The following IQSEC1 variants were observed in gnomAD, a reference collection of about 807,000 sequenced individuals.
The protein encoded by IQSEC1 is IQ motif and SEC7 domain-containing protein 1.
IQSEC1 carries 31 observed loss-of-function variants against 91.0 expected under a neutral mutation model. The observed-to-expected ratio is 0.34, with a 90% CI of 0.26 to 0.46. The LOEUF (loss-of-function observed/expected upper bound fraction) is 0.46. Among genes scored for constraint, IQSEC1 ranks in the 20% least tolerant of loss-of-function variants. The pLI, the probability that IQSEC1 is intolerant of heterozygous loss-of-function variation, is 1.00. For missense variants in IQSEC1, 1,388 were observed against 1,575.6 expected (o/e 0.88, Z 2.02); for synonymous variants, 699 against 662.6 (o/e 1.05, Z -0.84).
chr3:13,199,412 G>T (rs568293702), intron 1 of IQSEC1, among the ~76,000 whole-genome samples: 1 of 152,258 alleles, frequency 6.6e-6, no homozygotes, highest in East Asian at 1.9e-4. Context: ...GACAGGGGCC[G>T]TCCAGGGACA....
chr3:12,991,790 G>C (rs1033057560), intron 1 of IQSEC1, among the ~76,000 whole-genome samples: 1 of 152,212 alleles, frequency 6.6e-6, no homozygotes, highest in African/African-American at 2.4e-5. Flanking sequence ...AGTTCTTCTG[G>C]TGTGGCCTCA....
At chr3:13,156,834 T>C (rs931832694) in intron 2 of IQSEC1, among the ~76,000 whole-genome samples, 4 of 152,096 alleles carry the variant, frequency 2.6e-5, no homozygotes, top group Non-Finnish European at 5.9e-5. Flanking sequence ...TGGGGGAGCA[T>C]GTTCTAGGCT....
rs150511898 is a variant in IQSEC1, at chr3:12,941,734, T to C, written c.155A>G (p.Tyr52Cys). Residue 52 changes from tyrosine to cysteine, a missense_variant, in exon 2 of 14, where the codon TAT (tyrosine) becomes TGT (cysteine). By Grantham distance (194) the Tyr-to-Cys change is radical (BLOSUM62 -2). Around this residue, in one of 2 missense-constraint regions of IQSEC1, gnomAD observed 1,059 missense variants for 1,317.8 expected, o/e 0.80. Coordinates refer to ENST00000613206, the MANE Select transcript of IQSEC1 (RefSeq NM_001134382.3). ...CCCCGGCGGCCCCGAGTACAGCCCA[T>C]AGGCTCCCACTGACGTGTGCTCGTA... The part of the protein sequence containing the change: ...DHYEHTSVGA[Y>C]GLYSGPPGQQ... The C allele has an allele frequency of 1.3e-4, 206 of 1,612,308 alleles. No homozygotes were observed. The highest frequency in any genetic ancestry group is 1.7e-4 in the Non-Finnish European group (201 of 1,179,962).
chr3:13,223,695 G>A (rs577721039), intron 1 of IQSEC1, among the ~76,000 whole-genome samples: 34 of 152,368 alleles, frequency 2.2e-4, no homozygotes, highest in Middle Eastern at 3.4e-3. Context: ...TGCAGGGACC[G>A]CGGCGTCTGC....
At chr3:13,028,410 T>C (rs1402529789) in intron 1 of IQSEC1, among the ~76,000 whole-genome samples, 1 of 152,200 alleles carries the variant, frequency 6.6e-6, no homozygotes, top group Non-Finnish European at 1.5e-5. Flanking sequence ...TAAAGACAAT[T>C]GCACAGTCTT....
chr3:12,907,148 G>C (rs915365219), intron 12 of IQSEC1, among the ~76,000 whole-genome samples: 2 of 152,224 alleles, frequency 1.3e-5, no homozygotes, highest in African/African-American at 4.8e-5. Flanking sequence ...CCGAGGTTGA[G>C]AAGCCCTGGG....
At position 12,967,643 on chromosome 3, in the gene IQSEC1, C is replaced by T. The variant is rs1408508973; in HGVS notation, c.24-25778G>A. 3 of 1,217,510 alleles carry T rather than the reference C, an allele frequency of 2.5e-6. No individual in the cohort carries two copies. Among genetic ancestry groups the T allele is most frequent in the South Asian group, 3.5e-5 (1 of 28,820 alleles). The allele number at this position is 1,217,510 out of a possible 1,614,324, so 75.4% of individuals were successfully genotyped here. A position where few individuals can be genotyped will look rare whatever the true frequency, so the allele number is the denominator to read the frequency against. On this transcript the variant is annotated intron_variant, in intron 1 of 13. Coordinates refer to ENST00000613206, the MANE Select transcript of IQSEC1 (RefSeq NM_001134382.3). This position sits in a 1 kb window ranked among gnomAD's most constrained non-coding sequence, Gnocchi z 5.9. The stretch of plus-strand genomic sequence containing the variant: ...GGCTCCCGCGGCTCCGGCCCCAAGT[C>T]CGAGCCCCAGGCCAGCCAAGCCCGC...
intron 1 of IQSEC1, among the ~76,000 whole-genome samples, chr3:13,238,751 C>T (rs996377597): frequency 1.1e-4 from 17 of 152,148 alleles, no homozygotes; most frequent in Admixed American, 1.3e-4. Flanking sequence ...TTCCCCATGT[C>T]CTTGAGGATG....
chr3:12,906,259 C>T (rs1197966115), intron 12 of IQSEC1, among the ~76,000 whole-genome samples: 2 of 152,214 alleles, frequency 1.3e-5, no homozygotes, highest in African/African-American at 4.8e-5. Context: ...CTTCCACAAG[C>T]TCATCGTGGT....
At chr3:13,070,671 CT>C (rs1191585740) in intron 1 of IQSEC1, among the ~76,000 whole-genome samples, 1 of 152,226 alleles carries the variant, frequency 6.6e-6, no homozygotes, top group Non-Finnish European at 1.5e-5. Context: ...CTCCAAGTAT[CT>C]TTGGTATTTC....
chr3:13,235,221 A>G (rs534835886), intron 1 of IQSEC1, among the ~76,000 whole-genome samples: 1 of 152,268 alleles, frequency 6.6e-6, no homozygotes, highest in African/African-American at 2.4e-5. Flanking sequence ...TGGGCCCCTC[A>G]GTCAGGGCTT....
intron 12 of IQSEC1, among the ~76,000 whole-genome samples, chr3:12,905,578 T>G (rs893101235): frequency 7.9e-5 from 12 of 152,258 alleles, no homozygotes; most frequent in Non-Finnish European, 2.9e-5. Context: ...GCTGTCTGAT[T>G]CTGGCATCTG....
At chr3:13,048,818 C>A (rs1242791386) in intron 1 of IQSEC1, among the ~76,000 whole-genome samples, 1 of 152,202 alleles carries the variant, frequency 6.6e-6, no homozygotes. Flanking sequence ...TAGGGACTCC[C>A]ATCCACAGCA....
At chr3:13,111,931 T>C (rs763601432) in intron 2 of IQSEC1, among the ~76,000 whole-genome samples, 1 of 152,198 alleles carries the variant, frequency 6.6e-6, no homozygotes, top group African/African-American at 2.4e-5. Flanking sequence ...AGCAGACTAA[T>C]ACACTGGGTG....
intron 1 of IQSEC1, among the ~76,000 whole-genome samples, chr3:12,971,706 C>G (rs918612774): frequency 1.3e-5 from 2 of 151,620 alleles, no homozygotes; most frequent in Admixed American, 1.3e-4. Flanking sequence ...GGAGACAGAG[C>G]GAGACTCTGT....
rs138535139 is a variant in IQSEC1 at position 13,262,498 on chromosome 3, C to T, written c.272+20213G>A. Among the ~76,000 whole-genome samples, 95 of 152,218 alleles carry T rather than the reference C, an allele frequency of 6.2e-4. 1 individual carries two copies. Among genetic ancestry groups the T allele is most frequent in the Non-Finnish European group, 3.1e-4 (21 of 67,988 alleles). ...ACCTGCCTTGAGGGTTACGCTAGGA[C>T]GGAGTTCGTAGAGCTAGAAGGACCT... On this transcript the variant is annotated intron_variant, in intron 1 of 15. Transcript: ENST00000648114.
intron 1 of IQSEC1, among the ~76,000 whole-genome samples, chr3:12,972,706 T>G (rs948387009): frequency 3.9e-5 from 6 of 152,290 alleles, no homozygotes; most frequent in African/African-American, 1.2e-4. Context: ...TGGAGGGATG[T>G]GCCCCAGAAC....
chr3:13,141,286 T>C (rs937415140), intron 2 of IQSEC1, among the ~76,000 whole-genome samples: 3 of 152,162 alleles, frequency 2.0e-5, no homozygotes, highest in South Asian at 2.1e-4. Context: ...CGGAAAAGCA[T>C]GGATGGATTT....
chr3:12,971,327 A>C (rs1700881937), intron 1 of IQSEC1, among the ~76,000 whole-genome samples: 1 of 152,240 alleles, frequency 6.6e-6, no homozygotes, highest in Non-Finnish European at 1.5e-5. Flanking sequence ...AGATGGCCAC[A>C]AGATGGGATG....
Sources: gnomAD v4.1 joint callset for allele counts (sites outside exome capture counted in the v4.1 genomes callset) on GRCh38, gnomAD v4.1.1 for gene constraint, gnomAD v4.1.1 regional missense constraint, Gnocchi (gnomAD v3.1) non-coding constraint, MANE v1.5 for transcripts, NCBI Gene and HGNC (gene_info 2026-07-23, HGNC 2026-07-21) for gene names.